Variants in ABLIM1 observed in about 807,000 individuals in gnomAD.
The protein encoded by ABLIM1 is actin-binding LIM protein 1.
A neutral mutation model predicts 107.0 loss-of-function variants in ABLIM1; 40 were observed. The ratio of observed to expected loss-of-function variants is 0.37; its 90% CI spans 0.29 to 0.49. The LOEUF is 0.49. Ranked by LOEUF, ABLIM1 falls within the 20% of genes least tolerant of loss-of-function variation. The pLI, the probability that ABLIM1 is intolerant of heterozygous loss-of-function variation, is 0.97. For missense variants in ABLIM1, 857 were observed against 1,008.5 expected (o/e 0.85, Z 2.04); for synonymous variants, 357 against 357.3 (o/e 1.00, Z 0.01).
At chr10:114,641,903 G>C (rs576595851) in intron 1 of ABLIM1, among the ~76,000 whole-genome samples, 17 of 147,304 alleles carry the variant, frequency 1.2e-4, no homozygotes, top group African/African-American at 4.1e-4. Flanking sequence ...TTTGTTTTGA[G>C]ACAAGGTATC....
At chr10:114,640,337 G>T (rs1303517541) in intron 1 of ABLIM1, among the ~76,000 whole-genome samples, 1 of 152,222 alleles carries the variant, frequency 6.6e-6, no homozygotes, top group Non-Finnish European at 1.5e-5. Flanking sequence ...GACCAGCCTG[G>T]CCAACATGGC....
chr10:114,454,624 A>G (rs1353881019), intron 12 of ABLIM1, among the ~76,000 whole-genome samples: 2 of 152,206 alleles, frequency 1.3e-5, no homozygotes, highest in Non-Finnish European at 2.9e-5. Context: ...CACCATAGCC[A>G]CCATCACTCC....
At chr10:114,470,421 C>CAAA (rs10608392) in intron 10 of ABLIM1, among the ~76,000 whole-genome samples, 8 of 88,876 alleles carry the variant, frequency 9.0e-5, no homozygotes, top group South Asian at 4.8e-4. Context: ...GACTCCACCT[C>CAAA]AAAAAAAAAA....
chr10:114,759,796 C>A (rs2082705803), intron 1 of ABLIM1, among the ~76,000 whole-genome samples: 2 of 152,158 alleles, frequency 1.3e-5, no homozygotes, highest in South Asian at 4.1e-4. Flanking sequence ...GAAACACTAC[C>A]AGTTAGAAAG....
Position 114,607,033 on chromosome 10 carries a change from C to T in ABLIM1, c.245-5072G>A, listed in dbSNP as rs140402186. ...CAGCCCAGGCCCTCAACTCCTTTTT[C>T]TCAGATTACTGAAAATTCCCTACGC... On this transcript the variant is annotated intron_variant, in intron 1 of 22. Transcript: ENST00000533213. 7.4e-3 allele frequency among the ~76,000 whole-genome samples: 1,133 copies of T among 152,276 alleles called. 14 individuals carry two copies. The highest frequency in any genetic ancestry group is 0.025 in the African/African-American group (1,050 of 41,570).
chr10:114,495,442 GTAA>G (rs2059541919), intron 6 of ABLIM1, among the ~76,000 whole-genome samples: 2 of 151,312 alleles, frequency 1.3e-5, no homozygotes, highest in African/African-American at 2.4e-5. Flanking sequence ...TGCTGGGGTG[GTAA>G]TGATGATGAT....
In ABLIM1 at chr10:114,441,872, C is replaced by T. The variant is rs1305366462; in HGVS notation, c.1934-86G>A. The T allele has an allele frequency of 9.7e-6, 12 of 1,243,452 alleles. No individual in the cohort carries two copies. In the South Asian group the frequency reaches 1.1e-4, roughly 12 times the overall value. The allele number at this position is 1,243,452 out of a possible 1,614,324, so 77.0% of individuals were successfully genotyped here. A position where few individuals can be genotyped will look rare whatever the true frequency, so the allele number is the denominator to read the frequency against. ...GAAATTGGCAGTATCTTCTACCTCA[C>T]AGGATAGAAATACCAAAAAAATTCA... On this transcript the variant is annotated intron_variant, in intron 17 of 22. Coordinates refer to ENST00000533213, the MANE Select transcript of ABLIM1 (RefSeq NM_002313.7).
At chr10:114,457,575 C>A (rs891884180) in intron 12 of ABLIM1, among the ~76,000 whole-genome samples, 1 of 152,060 alleles carries the variant, frequency 6.6e-6, no homozygotes, top group African/African-American at 2.4e-5. Flanking sequence ...CTGGCCAATA[C>A]CCTATTTAAA....
At chr10:114,718,156 GAAAA>G (rs1280891156) in intron 1 of ABLIM1, among the ~76,000 whole-genome samples, 5 of 151,180 alleles carry the variant, frequency 3.3e-5, no homozygotes, top group East Asian at 1.9e-4. Context: ...GAGAAAAAAA[GAAAA>G]AGAAAGAAAG....
chr10:114,588,949 G>T (rs894845972), intron 2 of ABLIM1, among the ~76,000 whole-genome samples: 1 of 151,884 alleles, frequency 6.6e-6, no homozygotes, highest in Non-Finnish European at 1.5e-5. Flanking sequence ...TTTATGTACC[G>T]CATAATGATA....
intron 2 of ABLIM1, among the ~76,000 whole-genome samples, chr10:114,576,504 T>C (rs2072572645): frequency 6.6e-6 from 1 of 152,178 alleles, no homozygotes; most frequent in East Asian, 1.9e-4. Flanking sequence ...TTCTTCTTGA[T>C]TATTTGGTAT....
rs199711033 is a variant in ABLIM1, at chr10:114,510,656, A to AT, written c.895-18779dup. Among the ~76,000 whole-genome samples, 500 of 97,114 alleles carry AT rather than the reference A, an allele frequency of 5.1e-3. 9 individuals carry two copies. The East Asian group carries it at 0.073, about 14-fold the overall frequency. The allele number at this position is 97,114 out of a possible 152,430, so 63.7% of individuals were successfully genotyped here. ...GATTTTATTTTTATTTTATTTTATT[A>AT]TTTTTTTTTTTGAGACAAGGTCTCA... On this transcript the variant is annotated intron_variant, in intron 6 of 22. Coordinates refer to ENST00000533213, the MANE Select transcript of ABLIM1 (RefSeq NM_002313.7).
intron 1 of ABLIM1, among the ~76,000 whole-genome samples, chr10:114,750,768 T>C (rs2082493291): frequency 6.6e-6 from 1 of 152,256 alleles, no homozygotes; most frequent in Non-Finnish European, 1.5e-5. Flanking sequence ...ATAGATTTCA[T>C]TTAACATCTC....
At chr10:114,593,178 A>G (rs1344571846) in intron 2 of ABLIM1, among the ~76,000 whole-genome samples, 2 of 152,198 alleles carry the variant, frequency 1.3e-5, no homozygotes, top group Non-Finnish European at 2.9e-5. Context: ...TGGTTGTACT[A>G]ATCGTTTTCT....
intron 6 of ABLIM1, among the ~76,000 whole-genome samples, chr10:114,523,108 A>ACCACTGCACTCCAGCCTGGGTGAC (rs2064017325): frequency 3.3e-5 from 5 of 152,098 alleles, no homozygotes; most frequent in African/African-American, 1.2e-4. Context: ...CCAAGATTGC[A>ACCACTGCACTCCAGCCTGGGTGAC]CCACTGCACT....
chr10:114,451,599 C>T (rs2061914946), intron 14 of ABLIM1, 25 bp downstream of exon 14: 5 of 1,603,148 alleles, frequency 3.1e-6, no homozygotes, highest in Non-Finnish European at 4.3e-6. Flanking sequence ...TATTTAAAAG[C>T]TACGCGGAGG....
chr10:114,460,501 C>G (rs1565357686), intron 12 of ABLIM1, among the ~76,000 whole-genome samples: 1 of 152,006 alleles, frequency 6.6e-6, no homozygotes, highest in South Asian at 2.1e-4. Context: ...CTCAGGAGGC[C>G]GAGGCAGAAG....
the ABLIM1 span, among the ~76,000 whole-genome samples, chr10:114,788,474 T>A: frequency 2.0e-5 from 3 of 147,834 alleles, no homozygotes; most frequent in African/African-American, 7.5e-5. Context: ...ACGCCTGTAA[T>A]CCCAGCACTT....
chr10:114,608,226 T>C (rs918068511), intron 1 of ABLIM1, among the ~76,000 whole-genome samples: 3 of 152,132 alleles, frequency 2.0e-5, no homozygotes, highest in African/African-American at 7.2e-5. Flanking sequence ...TAGCTGGGCA[T>C]GGTGGCATGT....
Sources: allele counts gnomAD v4.1 joint callset (sites outside exome capture counted in the v4.1 genomes callset), GRCh38; gene constraint gnomAD v4.1.1; transcripts MANE v1.5; gene names NCBI Gene and HGNC (gene_info 2026-07-23, HGNC 2026-07-21).